MYT1L: variants seen among roughly 807,000 people sequenced by gnomAD.
The protein encoded by MYT1L is myelin transcription factor 1-like protein.
MYT1L carries 12 observed loss-of-function variants against 126.7 expected under a neutral mutation model. The ratio of observed to expected loss-of-function variants is 0.09; its 90% CI spans 0.06 to 0.15. The LOEUF is 0.15. Ranked by LOEUF, MYT1L falls within the 10% of genes least tolerant of loss-of-function variation. MYT1L has a pLI of 1.00. For synonymous variants in MYT1L, 541 were observed against 604.2 expected, an observed-to-expected ratio of 0.90 and a Z score of 1.53; for missense variants, 979 against 1,585.2, an observed-to-expected ratio of 0.62 and a Z score of 6.49.
intron 9 of MYT1L, among the ~76,000 whole-genome samples, chr2:1,927,464 C>T (rs568077114): frequency 1.3e-5 from 2 of 152,334 alleles, no homozygotes; most frequent in South Asian, 4.1e-4. Flanking sequence ...TTATCCTCCA[C>T]CCTCCTCACT....
chr2:2,289,669 G>T (rs1448391595), intron 1 of MYT1L, among the ~76,000 whole-genome samples: 2 of 152,186 alleles, frequency 1.3e-5, no homozygotes, highest in Admixed American at 6.5e-5. Flanking sequence ...CCCCTCACTG[G>T]TACCACCCAT....
At chr2:2,178,360 C>T (rs569783878) in intron 2 of MYT1L, among the ~76,000 whole-genome samples, 3 of 152,122 alleles carry the variant, frequency 2.0e-5, no homozygotes, top group Non-Finnish European at 2.9e-5. Flanking sequence ...TGGCTGTCTA[C>T]AAACCAATAA....
intron 2 of MYT1L, among the ~76,000 whole-genome samples, chr2:2,260,037 A>G (rs912926244): frequency 6.6e-6 from 1 of 152,180 alleles, no homozygotes; most frequent in African/African-American, 2.4e-5. Context: ...ACACGTCTTG[A>G]CATTAGCGTG....
chr2:2,137,888 C>G (rs1250562646), intron 3 of MYT1L, among the ~76,000 whole-genome samples: 1 of 152,140 alleles, frequency 6.6e-6, no homozygotes. Flanking sequence ...AAACTACCAT[C>G]AGAGTAAACA....
At chr2:1,926,515 A>C (rs989971537) in intron 9 of MYT1L, among the ~76,000 whole-genome samples, 4 of 152,234 alleles carry the variant, frequency 2.6e-5, no homozygotes, top group African/African-American at 9.6e-5. Context: ...AATCCACAAA[A>C]TGAACATTCC....
At chr2:2,179,258 C>T (rs528214883) in intron 2 of MYT1L, among the ~76,000 whole-genome samples, 13 of 152,290 alleles carry the variant, frequency 8.5e-5, no homozygotes, top group African/African-American at 2.9e-4. Flanking sequence ...TCCAAAGCTT[C>T]CCAAGAGGCA....
intron 21 of MYT1L, chr2:1,816,817 G>T (rs1337671501): frequency 6.5e-6 from 1 of 152,748 alleles, no homozygotes; most frequent in Non-Finnish European, 1.5e-5. Context: ...TATGCACAGG[G>T]CCTCACTGCC....
chr2:1,922,550 C>G lies in MYT1L; in HGVS notation c.1219G>C (p.Glu407Gln). The change falls in exon 10 of 25, where the codon GAG (glutamate) becomes CAG (glutamine). Residue 407 changes from glutamate (E) to glutamine (Q), a missense_variant. Glu to Gln is a conservative substitution (Grantham distance 29). Around this residue, in one of 12 missense-constraint regions of MYT1L, gnomAD observed 243 missense variants for 363.9 expected, o/e 0.67. Coordinates refer to ENST00000647738, the MANE Select transcript of MYT1L (RefSeq NM_001303052.2). The surrounding 1 kb of genome is among the most constrained non-coding windows in gnomAD (Gnocchi z 7.4). ...ASCAKEDGCH[E>Q]RDDDTTSVNS... The stretch of plus-strand genomic sequence containing the variant: ...ACAGAGGTGGTATCGTCGTCCCGCT[C>G]ATGACACCCATCCTCCTTCGCACAG... The G allele has an allele frequency of 1.2e-6, 2 of 1,614,032 alleles. No homozygotes were observed. Among genetic ancestry groups the G allele is most frequent in the Non-Finnish European group, 1.7e-6 (2 of 1,179,902 alleles).
At chr2:2,060,744 CAT>C (rs1272135547) in intron 3 of MYT1L, among the ~76,000 whole-genome samples, 5 of 131,538 alleles carry the variant, frequency 3.8e-5, no homozygotes, top group African/African-American at 5.6e-5. Flanking sequence ...CCCTCCCTCC[CAT>C]CTTTGCCCAC....
intron 2 of MYT1L, among the ~76,000 whole-genome samples, chr2:2,254,854 A>G: frequency 6.6e-6 from 1 of 152,074 alleles, no homozygotes; most frequent in East Asian, 1.9e-4. Context: ...AGCCCCAACT[A>G]CTTCCCATTT....
intron 21 of MYT1L, among the ~76,000 whole-genome samples, chr2:1,823,265 GGTA>G (rs2038817533): frequency 6.6e-6 from 1 of 152,166 alleles, no homozygotes; most frequent in East Asian, 1.9e-4. Context: ...TGGTGGTTGT[GGTA>G]GTGAGGGCTG....
At chr2:2,282,867 G>C (rs2095468494) in intron 2 of MYT1L, among the ~76,000 whole-genome samples, 1 of 152,222 alleles carries the variant, frequency 6.6e-6, no homozygotes, top group South Asian at 2.1e-4. Flanking sequence ...TTGAGGTCAG[G>C]AGTTGGAGAC....
At chr2:1,846,492 G>A (rs771801030) in intron 19 of MYT1L, among the ~76,000 whole-genome samples, 7 of 152,252 alleles carry the variant, frequency 4.6e-5, no homozygotes, top group African/African-American at 1.7e-4. Context: ...GTGTTCTCTG[G>A]GGGAGGGAAA....
intron 21 of MYT1L, among the ~76,000 whole-genome samples, chr2:1,818,257 G>A (rs1220588279): frequency 2.0e-5 from 3 of 152,176 alleles, no homozygotes; most frequent in East Asian, 3.8e-4. Flanking sequence ...AAGCTTTGTT[G>A]CAGCTGGAAG....
intron 3 of MYT1L, among the ~76,000 whole-genome samples, chr2:2,168,686 A>G (rs1204874562): frequency 1.3e-5 from 2 of 152,158 alleles, no homozygotes; most frequent in Non-Finnish European, 2.9e-5. Context: ...GCTTTGGATA[A>G]AAGATGCTGA....
At chr2:1,954,006 T>A (rs1447610171) in intron 8 of MYT1L, among the ~76,000 whole-genome samples, 1 of 152,138 alleles carries the variant, frequency 6.6e-6, no homozygotes, top group Non-Finnish European at 1.5e-5. Context: ...CCCTGGAGTG[T>A]CCAGTTTGCT....
intron 8 of MYT1L, among the ~76,000 whole-genome samples, chr2:1,952,808 CCTCCCTTCCTCT>C (rs2057951916): frequency 4.7e-5 from 4 of 85,916 alleles, no homozygotes; most frequent in Non-Finnish European, 9.1e-5. Flanking sequence ...TCTCTCCCTC[CCTCCCTTCCTCT>C]CTCCCTCCCT....
At chr2:2,060,660 T>C (rs1358433400) in intron 3 of MYT1L, among the ~76,000 whole-genome samples, 2 of 148,548 alleles carry the variant, frequency 1.3e-5, no homozygotes, top group Non-Finnish European at 3.0e-5. Flanking sequence ...TCTCTCTCCC[T>C]GTCTCCCTCC....
chr2:1,800,679 G>A (rs1369142705), intron 23 of MYT1L, among the ~76,000 whole-genome samples: 2 of 152,218 alleles, frequency 1.3e-5, no homozygotes, highest in African/African-American at 4.8e-5. Flanking sequence ...ACCTTCCCCA[G>A]CCTCAACCTC....
Sources: allele counts gnomAD v4.1 joint callset (sites outside exome capture counted in the v4.1 genomes callset), GRCh38; gene constraint gnomAD v4.1.1; regional missense constraint gnomAD v4.1.1; non-coding constraint Gnocchi (gnomAD v3.1); transcripts MANE v1.5; gene names NCBI Gene and HGNC (gene_info 2026-07-23, HGNC 2026-07-21).